The following FSTL4 variants were observed in gnomAD, a reference collection of about 807,000 sequenced individuals.
FSTL4 encodes the protein follistatin like 4, also known as follistatin-related protein 4.
Under a neutral mutation model 78.2 loss-of-function variants are expected in FSTL4, and 28 were observed. The ratio of observed to expected loss-of-function variants is 0.36; its 90% CI spans 0.27 to 0.49. FSTL4 has a LOEUF of 0.49. Ranked by LOEUF, FSTL4 falls within the 20% of genes least tolerant of loss-of-function variation. FSTL4 has a pLI of 0.98. For missense variants in FSTL4, 922 were observed against 1,084.9 expected (o/e 0.85, Z 2.11); for synonymous variants, 422 against 440.5 (o/e 0.96, Z 0.53).
intron 6 of FSTL4, among the ~76,000 whole-genome samples, chr5:133,270,526 A>G (rs1434241324): frequency 1.3e-5 from 2 of 152,240 alleles, no homozygotes; most frequent in Non-Finnish European, 2.9e-5. Context: ...ATGGCAAAAT[A>G]CATTCCGGAC....
chr5:133,750,061 T>C, the FSTL4 span, among the ~76,000 whole-genome samples: 1 of 152,094 alleles, frequency 6.6e-6, no homozygotes, highest in African/African-American at 2.4e-5. Flanking sequence ...GTGAGCTGAC[T>C]AAAGGTTAAT....
At chr5:133,664,597 A>G in the FSTL4 span, among the ~76,000 whole-genome samples, 2 of 152,292 alleles carry the variant, frequency 1.3e-5, no homozygotes, top group African/African-American at 2.4e-5. Context: ...GCAAGTCCAT[A>G]TATTTTATGA....
At chr5:133,633,279 G>A in the FSTL4 span, among the ~76,000 whole-genome samples, 9,472 of 151,842 alleles carry the variant, frequency 0.062, 325 homozygotes, top group South Asian at 0.073. Flanking sequence ...AATAACATAG[G>A]TCCCACAGGT....
At chr5:133,550,341 C>G (rs766638296) in intron 3 of FSTL4, among the ~76,000 whole-genome samples, 7 of 152,090 alleles carry the variant, frequency 4.6e-5, no homozygotes, top group African/African-American at 7.2e-5. Flanking sequence ...TGTGATTACT[C>G]AGTTTTGAGG....
At chr5:133,479,373 C>T (rs1015174984) in intron 3 of FSTL4, among the ~76,000 whole-genome samples, 2 of 152,190 alleles carry the variant, frequency 1.3e-5, no homozygotes, top group South Asian at 2.1e-4. Flanking sequence ...ATGTCTATAC[C>T]GAGGCCGTAA....
intron 3 of FSTL4, among the ~76,000 whole-genome samples, chr5:133,439,869 C>T: frequency 6.6e-6 from 1 of 152,192 alleles, no homozygotes; most frequent in East Asian, 1.9e-4. Flanking sequence ...CACCTGGCAC[C>T]ATCAGTGCTA....
the FSTL4 span, among the ~76,000 whole-genome samples, chr5:133,632,083 A>C: frequency 1.3e-5 from 2 of 152,176 alleles, no homozygotes; most frequent in Non-Finnish European, 2.9e-5. Flanking sequence ...CCACCATGGC[A>C]CATGTATACC....
At chr5:133,416,464 G>T (rs575497348) in intron 3 of FSTL4, among the ~76,000 whole-genome samples, 1 of 152,096 alleles carries the variant, frequency 6.6e-6, no homozygotes, top group South Asian at 2.1e-4. Context: ...TAATATTAGC[G>T]GGTGAAAGAG....
chr5:133,319,804 C>A (rs187737176), intron 4 of FSTL4, among the ~76,000 whole-genome samples: 155 of 152,316 alleles, frequency 1.0e-3, no homozygotes, highest in Non-Finnish European at 1.7e-3. Flanking sequence ...ATCTTAAATC[C>A]TTCTTTACCC....
At chr5:133,494,390 T>C (rs1580745046) in intron 3 of FSTL4, among the ~76,000 whole-genome samples, 1 of 151,784 alleles carries the variant, frequency 6.6e-6, no homozygotes, top group East Asian at 1.9e-4. Flanking sequence ...TGTATGAATG[T>C]GTAATTTAAT....
chr5:133,569,399 G>C (rs1402119601), intron 2 of FSTL4, among the ~76,000 whole-genome samples: 5 of 152,302 alleles, frequency 3.3e-5, no homozygotes, highest in African/African-American at 1.2e-4. Context: ...TTTAGCCTGA[G>C]ATATGTTTAT....
chr5:133,576,379 T>A (rs1760279203), intron 2 of FSTL4, among the ~76,000 whole-genome samples: 1 of 152,144 alleles, frequency 6.6e-6, no homozygotes, highest in African/African-American at 2.4e-5. Flanking sequence ...CAGAATATTA[T>A]GGGATTCACT....
At chr5:133,705,561 C>T in the FSTL4 span, among the ~76,000 whole-genome samples, 1 of 152,118 alleles carries the variant, frequency 6.6e-6, no homozygotes, top group Admixed American at 6.5e-5. Flanking sequence ...TCTCACAGGA[C>T]CCCTGACAAC....
chr5:133,400,828 A>G lies in FSTL4; in HGVS notation c.319T>C (p.Phe107Leu), dbSNP rs1251798786. The G allele has an allele frequency of 1.2e-6, 2 of 1,612,366 alleles. No homozygotes were observed. The highest frequency in any genetic ancestry group is 2.2e-5 in the East Asian group (1 of 44,826). ...YVPVCGSDGR[F>L]YENHCKLHRA... ...TGGAGCTTACAGTGGTTTTCATAAA[A>G]CCTCCCATCAGAGCCGCACACAGGC... The change falls in exon 4 of 16, where the codon TTT (phenylalanine) becomes CTT (leucine). Residue 107 changes from phenylalanine to leucine, a missense_variant. Physicochemically the swap from Phe to Leu is conservative, Grantham distance 22 (BLOSUM62 0). Transcript: ENST00000265342.
At chr5:133,728,149 T>C in the FSTL4 span, among the ~76,000 whole-genome samples, 1 of 152,230 alleles carries the variant, frequency 6.6e-6, no homozygotes, top group Non-Finnish European at 1.5e-5. Context: ...AGATTTGTAC[T>C]GTTCCAAGCC....
In FSTL4 at chr5:133,338,784, C is replaced by T. The variant is rs548930053; in HGVS notation, c.410-22132G>A. 1.1e-3 allele frequency among the ~76,000 whole-genome samples: 170 copies of T among 152,200 alleles called. No individual in the cohort carries two copies. The highest frequency in any genetic ancestry group is 3.9e-3 in the African/African-American group (164 of 41,526). ...CACCCAAGCCCCCTGCTTCCCAAATCGCACACCTGGCACTACCTCACCATC... is the reference window on the plus strand; with the variant it reads ...CACCCAAGCCCCCTGCTTCCCAAATTGCACACCTGGCACTACCTCACCATC... On this transcript the variant is annotated intron_variant, in intron 4 of 15. Coordinates refer to ENST00000265342, the MANE Select transcript of FSTL4 (RefSeq NM_015082.2). This position sits in a 1 kb window ranked among gnomAD's most constrained non-coding sequence, Gnocchi z 4.0.
intron 2 of FSTL4, among the ~76,000 whole-genome samples, chr5:133,582,928 G>C (rs1760460351): frequency 2.6e-5 from 4 of 152,152 alleles, no homozygotes. Context: ...CCATCCCATA[G>C]CGCAGGGGTG....
chr5:133,352,317 C>T (rs181519784), intron 4 of FSTL4, among the ~76,000 whole-genome samples: 38 of 95,656 alleles, frequency 4.0e-4, no homozygotes, highest in Middle Eastern at 9.0e-3. Flanking sequence ...TATATACACA[C>T]ATATATATAC....
chr5:133,425,034 T>C (rs568698157), intron 3 of FSTL4, among the ~76,000 whole-genome samples: 2 of 152,316 alleles, frequency 1.3e-5, no homozygotes, highest in African/African-American at 4.8e-5. Flanking sequence ...GTCTAACTAT[T>C]AGACTGTGGA....
Sources: allele counts gnomAD v4.1 joint callset (sites outside exome capture counted in the v4.1 genomes callset), GRCh38; gene constraint gnomAD v4.1.1; non-coding constraint Gnocchi (gnomAD v3.1); transcripts MANE v1.5; gene names NCBI Gene and HGNC (gene_info 2026-07-23, HGNC 2026-07-21).